Variants in NDUFAF6 observed in about 807,000 individuals in gnomAD.
NDUFAF6 encodes NADH:ubiquinone oxidoreductase complex assembly factor 6, also known as NADH dehydrogenase (ubiquinone) complex I, assembly factor 6.
In NDUFAF6, 45 loss-of-function variants were observed where a neutral mutation model predicts 40.8. That is an observed-to-expected ratio of 1.10 (90% CI 0.87 to 1.42). The LOEUF is 1.42. Among genes scored for constraint, NDUFAF6 ranks in the 40% most tolerant of loss-of-function variants. NDUFAF6 has a pLI of 0.00. For synonymous variants in NDUFAF6, 185 were observed against 155.9 expected (o/e 1.19, Z -1.39); for missense variants, 435 against 418.5 (o/e 1.04, Z -0.34).
intron 1 of NDUFAF6, among the ~76,000 whole-genome samples, chr8:94,918,938 G>A (rs1395278769): frequency 6.6e-6 from 1 of 152,120 alleles, no homozygotes; most frequent in African/African-American, 2.4e-5. Context: ...TTTAGGCCAC[G>A]GTGTATTGAA....
At chr8:95,025,953 G>T (rs1828067962) in intron 1 of NDUFAF6, among the ~76,000 whole-genome samples, 1 of 152,210 alleles carries the variant, frequency 6.6e-6, no homozygotes, top group Non-Finnish European at 1.5e-5. Context: ...GCTGAGACCA[G>T]TGGCTTAGCC....
intron 1 of NDUFAF6, among the ~76,000 whole-genome samples, chr8:95,031,449 A>G (rs1324903742): frequency 1.3e-5 from 2 of 152,244 alleles, no homozygotes; most frequent in African/African-American, 4.8e-5. Flanking sequence ...ACTAAAACAA[A>G]AGTGATTCTG....
At chr8:94,921,661 A>T (rs142901567) in intron 1 of NDUFAF6, among the ~76,000 whole-genome samples, 205 of 152,346 alleles carry the variant, frequency 1.3e-3, no homozygotes, top group African/African-American at 4.7e-3. Context: ...AAGATCCATA[A>T]CACAGTGCTT....
At chr8:94,995,053 T>C (rs1054532386) in intron 2 of NDUFAF6, among the ~76,000 whole-genome samples, 7 of 152,250 alleles carry the variant, frequency 4.6e-5, no homozygotes, top group Non-Finnish European at 7.3e-5. Context: ...TTATTCATAA[T>C]AGCCAAGAGG....
intron 2 of NDUFAF6, among the ~76,000 whole-genome samples, chr8:94,994,868 AC>A (rs1408874058): frequency 6.6e-6 from 1 of 152,170 alleles, no homozygotes; most frequent in Non-Finnish European, 1.5e-5. Flanking sequence ...AGACAAAAAC[AC>A]ACGATGGACC....
intron 1 of NDUFAF6, among the ~76,000 whole-genome samples, chr8:94,943,330 T>A (rs531906302): frequency 9.2e-5 from 14 of 152,110 alleles, no homozygotes; most frequent in Middle Eastern, 3.4e-3. Context: ...TACAAAAAAA[T>A]TTTAAAAAAT....
At chr8:94,982,273 T>C (rs1205380595) in intron 2 of NDUFAF6, among the ~76,000 whole-genome samples, 3 of 152,166 alleles carry the variant, frequency 2.0e-5, no homozygotes, top group Non-Finnish European at 4.4e-5. Context: ...TTAGATGTGT[T>C]TAGATACACA....
intron 1 of NDUFAF6, among the ~76,000 whole-genome samples, chr8:94,944,112 G>A (rs950864959): frequency 1.1e-4 from 16 of 152,160 alleles, no homozygotes; most frequent in Non-Finnish European, 2.4e-4. Flanking sequence ...TTGGCCCCAC[G>A]TACAATTCTG....
intron 1 of NDUFAF6, among the ~76,000 whole-genome samples, chr8:94,942,262 G>A (rs781660969): frequency 5.3e-5 from 8 of 151,526 alleles, no homozygotes; most frequent in East Asian, 3.9e-4. Flanking sequence ...GGATGGTCTC[G>A]ATCTCCTGAC....
chr8:94,903,288 G>A (rs1818146768), intron 1 of NDUFAF6, among the ~76,000 whole-genome samples: 2 of 152,122 alleles, frequency 1.3e-5, no homozygotes, highest in Admixed American at 6.5e-5. Flanking sequence ...GAGCCCAGGA[G>A]GTCGAGGCTG....
downstream of NDUFAF6, chr8:95,078,658 A>T (rs1247762784): frequency 2.1e-4 from 13 of 62,636 alleles, no homozygotes; most frequent in African/African-American, 4.6e-4. Flanking sequence ...TTAAAAAAAA[A>T]AAAAATATAT....
chr8:94,932,089 T>A, intron 1 of NDUFAF6: 1 of 1,610,604 alleles, frequency 6.2e-7, no homozygotes. Context: ...GTGAGTCTTA[T>A]AAGCAGCTTT....
At chr8:94,978,100 T>TG (rs564378193) in intron 1 of NDUFAF6, among the ~76,000 whole-genome samples, 2 of 152,092 alleles carry the variant, frequency 1.3e-5, no homozygotes, top group African/African-American at 2.4e-5. Context: ...CGGCAACTCT[T>TG]GGGGGGCTCC....
chr8:94,938,746 G>A (rs569522623), intron 1 of NDUFAF6, among the ~76,000 whole-genome samples: 8 of 152,350 alleles, frequency 5.3e-5, no homozygotes, highest in African/African-American at 1.7e-4. Flanking sequence ...CTTGCCTTAT[G>A]CATCCCTTCA....
intron 3 of NDUFAF6, chr8:95,036,314 G>A: frequency 7.8e-7 from 1 of 1,286,144 alleles, no homozygotes; most frequent in Non-Finnish European, 1.0e-6. Flanking sequence ...ATTGCCAAAA[G>A]AGGGTTTCTG....
chr8:95,109,561 T>C (rs1193139196), intron 4 of NDUFAF6, among the ~76,000 whole-genome samples: 1 of 143,914 alleles, frequency 6.9e-6, no homozygotes, highest in African/African-American at 2.6e-5. Flanking sequence ...TAATCATAGA[T>C]AGAGATGTAG....
intron 9 of NDUFAF6, among the ~76,000 whole-genome samples, chr8:95,074,653 C>A (rs1020146548): frequency 1.3e-5 from 2 of 152,186 alleles, no homozygotes; most frequent in Non-Finnish European, 2.9e-5. Flanking sequence ...TGACTTCCCC[C>A]TCCTCTTTTC....
In NDUFAF6 at chr8:95,026,915, G is replaced by A. The variant is rs368822671; in HGVS notation, c.197+1710G>A. Among the ~76,000 whole-genome samples the A allele has an allele frequency of 5.3e-5, 8 of 151,788 alleles. No individual in the cohort carries two copies. In the East Asian group the frequency reaches 1.2e-3, roughly 22 times the overall value. ...ATAAAAAAATTAGCTGGGCTTGGTG[G>A]CACAGCCTGTGGTCCCAGCTACTGC... is the stretch of plus-strand genomic sequence containing the variant. On this transcript the variant is annotated intron_variant, in intron 1 of 8. Coordinates refer to ENST00000396124, the MANE Select transcript of NDUFAF6 (RefSeq NM_152416.4).
At chr8:95,021,964 G>GA (rs1197806869), upstream of NDUFAF6, among the ~76,000 whole-genome samples, 2 of 152,194 alleles carry the variant, frequency 1.3e-5, no homozygotes, top group Non-Finnish European at 2.9e-5. Context: ...GTGTAGTCCT[G>GA]AAAATGCTTG....
Sources: gnomAD v4.1 joint callset for allele counts (sites outside exome capture counted in the v4.1 genomes callset) on GRCh38, gnomAD v4.1.1 for gene constraint, MANE v1.5 for transcripts, NCBI Gene and HGNC (gene_info 2026-07-23, HGNC 2026-07-21) for gene names.